The following VCAM1 variants were observed in gnomAD, a reference collection of about 807,000 sequenced individuals.
VCAM1 encodes the protein vascular cell adhesion molecule 1.
In VCAM1, 41 loss-of-function variants were observed where a neutral mutation model predicts 63.8. The ratio of observed to expected loss-of-function variants is 0.64; its 90% CI spans 0.50 to 0.83. The LOEUF is 0.83. Ranked by LOEUF, VCAM1 falls within the 40% of genes least tolerant of loss-of-function variation. The probability of loss-of-function intolerance (pLI) is 0.00; values close to 1 mark genes in which losing one functional copy is unlikely to be tolerated. For synonymous variants in VCAM1, 338 were observed against 320.7 expected (o/e 1.05, Z -0.58); for missense variants, 798 against 875.5 (o/e 0.91, Z 1.12).
rs1248457207 is a variant in VCAM1, at chr1:100,720,672, T to G, written c.261T>G (p.Phe87Leu). 1 of 1,613,168 alleles carries G rather than the reference T, an allele frequency of 6.2e-7. No individual in the cohort carries two copies. The highest frequency in any genetic ancestry group is 1.7e-5 in the Admixed American group (1 of 59,876). Residue 87 changes from phenylalanine (F) to leucine (L), a missense_variant, in exon 2 of 9, where the codon TTT becomes TTG. Physicochemically the swap from Phe to Leu is conservative, Grantham distance 22. Transcript: ENST00000294728. ...TSTLTMNPVSFGNEHSYLCTA... is the reference protein window; with the variant it reads ...TSTLTMNPVSLGNEHSYLCTA... ...CGCTGACAATGAATCCTGTTAGTTT[T>G]GGGAACGAACACTCTTACCTGTGCA...
chr1:100,738,317 TTATC>T lies in VCAM1; in HGVS notation c.*36_*39del, dbSNP rs764344911. The T allele has an allele frequency of 5.0e-6, 8 of 1,602,188 alleles. No homozygotes were observed. The East Asian group carries it at 1.8e-4, about 36-fold the overall frequency. On this transcript the variant is annotated 3_prime_UTR_variant, in exon 9 of 9. Transcript: ENST00000294728. ...TGATATGTTCAACTGGAGACACTAT[TTATC>T]TGTGCAAATCCTTGATACTGCTCAT...
Position 100,731,619 on chromosome 1 carries a change from GA to G in VCAM1, c.1525+107del. The G allele has an allele frequency of 8.9e-7, 1 of 1,121,030 alleles. No homozygotes were observed. The highest frequency in any genetic ancestry group is 2.1e-4 in the Middle Eastern group (1 of 4,808). 69.4% of individuals were successfully genotyped at this position (1,121,030 alleles called of 1,614,324 possible). On this transcript the variant is annotated intron_variant, in intron 6 of 8. Transcript: ENST00000294728. This position sits in a 1 kb window ranked among gnomAD's most constrained non-coding sequence, Gnocchi z 4.2. ...GGTTAATCGTTAAAACCTCTGTGGA[GA>G]AAAAACGTTACTGAAAAGAAATTTC...
chr1:100,738,115 T>C lies in VCAM1; in HGVS notation c.2060-8T>C, dbSNP rs1204531419. Reference sequence around the variant, plus strand: ...GACATTAATTGCATCCATTTTGTTATTTTCCAGGAAGAGAAAACAACAAAG... The same window carrying C: ...GACATTAATTGCATCCATTTTGTTACTTTCCAGGAAGAGAAAACAACAAAG... On this transcript the variant is annotated splice_region_variant and splice_polypyrimidine_tract_variant and intron_variant, in intron 8 of 8. Coordinates refer to ENST00000294728, the MANE Select transcript of VCAM1 (RefSeq NM_001078.4). The C allele has an allele frequency of 1.9e-6, 3 of 1,611,544 alleles. No homozygotes were observed. The highest frequency in any genetic ancestry group is 2.2e-5 in the South Asian group (2 of 90,682).
At position 100,732,491 on chromosome 1, in the gene VCAM1, A is replaced by G. The variant is rs1329425869; in HGVS notation, c.1599A>G (p.Thr533=). The G allele has an allele frequency of 1.2e-6, 2 of 1,612,956 alleles. No individual in the cohort carries two copies. Among genetic ancestry groups the G allele is most frequent in the Admixed American group, 1.7e-5 (1 of 59,806 alleles). The part of the protein sequence containing the change: ...ILEEGSSVNM[T]CLSQGFPAPK... ...AGGAAGGCAGTTCTGTGAATATGAC[A>G]TGCTTGAGCCAGGGCTTTCCTGCTC... Residue 533 remains threonine, a synonymous_variant, in exon 7 of 9, where the codon ACA becomes ACG. Coordinates refer to ENST00000294728, the MANE Select transcript of VCAM1 (RefSeq NM_001078.4).
At position 100,731,416 on chromosome 1, in the gene VCAM1, G is replaced by A; in HGVS notation, c.1423G>A (p.Glu475Lys). The change falls in exon 6 of 9, where the codon GAA (glutamate) becomes AAA (lysine). Residue 475 changes from glutamate to lysine, a missense_variant. Transcript: ENST00000294728. This position sits in a 1 kb window ranked among gnomAD's most constrained non-coding sequence, Gnocchi z 4.2. ...SLEMTFIPTI[E>K]DTGKALVCQA... ...GGAAATGACCTTCATCCCTACCATTGAAGATACTGGAAAAGCTCTTGTTTG... is the reference window on the plus strand; with the variant it reads ...GGAAATGACCTTCATCCCTACCATTAAAGATACTGGAAAAGCTCTTGTTTG... 1 of 1,613,796 alleles carries A rather than the reference G, an allele frequency of 6.2e-7. No individual in the cohort carries two copies. The highest frequency in any genetic ancestry group is 8.5e-7 in the Non-Finnish European group (1 of 1,179,848).
rs1398849371 is a variant in VCAM1 at position 100,729,307 on chromosome 1, A to G, written c.1129A>G (p.Asn377Asp). 6 of 1,613,414 alleles carry G rather than the reference A, an allele frequency of 3.7e-6. No individual in the cohort carries two copies. The highest frequency in any genetic ancestry group is 5.1e-6 in the Non-Finnish European group (6 of 1,179,664). The part of the protein sequence containing the change: ...TLTLSPVSFE[N>D]EHSYLCTVTC... Reference sequence around the variant, plus strand: ...GACCCTGAGCCCTGTGAGTTTTGAGAACGAACACTCTTATCTGTGCACAGT... The same window carrying G: ...GACCCTGAGCCCTGTGAGTTTTGAGGACGAACACTCTTATCTGTGCACAGT... The change falls in exon 5 of 9, where the codon AAC becomes GAC. Residue 377 changes from asparagine to aspartate, a missense_variant. By Grantham distance (23) the Asn-to-Asp change is conservative (BLOSUM62 1). Transcript: ENST00000294728.
chr1:100,729,804 A>C (rs1304782965), intron 5 of VCAM1, among the ~76,000 whole-genome samples: 2 of 152,080 alleles, frequency 1.3e-5, no homozygotes, highest in East Asian at 3.9e-4. Flanking sequence ...GATGGGAAAA[A>C]AATAAGGGAA....
chr1:100,723,346 T>C lies in VCAM1; in HGVS notation c.661+6T>C, dbSNP rs1267353762. The C allele has an allele frequency of 2.5e-6, 4 of 1,610,028 alleles. No homozygotes were observed. In the Admixed American group the frequency reaches 6.7e-5, roughly 27 times the overall value. On this transcript the variant is annotated splice_donor_region_variant and intron_variant, in intron 3 of 8. Coordinates refer to ENST00000294728, the MANE Select transcript of VCAM1 (RefSeq NM_001078.4). ...AAAAGAATTGCAAGTCTACAGTAAG[T>C]ACTTGTGCGATGTGTTCCAGTCTTT...
chr1:100,721,926 G>C (rs1023187663), intron 2 of VCAM1, among the ~76,000 whole-genome samples: 1 of 152,044 alleles, frequency 6.6e-6, no homozygotes, highest in Non-Finnish European at 1.5e-5. Context: ...ACATAGGAAA[G>C]AATTTCCAGC....
In VCAM1 at chr1:100,731,953, G is replaced by A. The variant is rs1660478003; in HGVS notation, c.1525+435G>A. Among the ~76,000 whole-genome samples the A allele has an allele frequency of 6.6e-6, 1 of 152,174 alleles. No individual in the cohort carries two copies. ...CCAGAGCTCAGTGTTTCAAGAAGGT[G>A]TAAATGAAAGCAGCCTCTTCAAGGC... On this transcript the variant is annotated intron_variant, in intron 6 of 8. Transcript: ENST00000294728. This position sits in a 1 kb window ranked among gnomAD's most constrained non-coding sequence, Gnocchi z 4.2.
chr1:100,733,518 CA>C (rs1321078529), intron 7 of VCAM1, among the ~76,000 whole-genome samples: 1 of 151,896 alleles, frequency 6.6e-6, no homozygotes, highest in African/African-American at 2.4e-5. Flanking sequence ...GACAAACAAA[CA>C]AAAAAACCTT....
At chr1:100,720,450 G>C (rs1215619481) in intron 1 of VCAM1, 26 bp from the exon 2 acceptor site, 1 of 1,597,190 alleles carries the variant, frequency 6.3e-7, no homozygotes, top group South Asian at 1.1e-5. Flanking sequence ...TGGTAAATTT[G>C]CTTCTGTCTT....
Position 100,731,923 on chromosome 1 carries a change from A to G in VCAM1, c.1525+405A>G. Reference sequence around the variant, plus strand: ...CCCTGAGGAACAGTAGCCTAGATTTACTCTCCAGAGCTCAGTGTTTCAAGA... The same window carrying G: ...CCCTGAGGAACAGTAGCCTAGATTTGCTCTCCAGAGCTCAGTGTTTCAAGA... On this transcript the variant is annotated intron_variant, in intron 6 of 8. Transcript: ENST00000294728. The surrounding 1 kb of genome is among the most constrained non-coding windows in gnomAD (Gnocchi z 4.2). Among the ~76,000 whole-genome samples the G allele has an allele frequency of 6.6e-6, 1 of 151,932 alleles. No homozygotes were observed. Among genetic ancestry groups the G allele is most frequent in the Non-Finnish European group, 1.5e-5 (1 of 67,986 alleles).
At chr1:100,730,773 C>G (rs1024530762) in intron 5 of VCAM1, among the ~76,000 whole-genome samples, 2 of 152,072 alleles carry the variant, frequency 1.3e-5, no homozygotes, top group Admixed American at 1.3e-4. Context: ...ACTCATTTTA[C>G]ACAGCTGCTT....
At chr1:100,726,428 T>C (rs1660164703) in intron 4 of VCAM1, among the ~76,000 whole-genome samples, 1 of 152,058 alleles carries the variant, frequency 6.6e-6, no homozygotes, top group Non-Finnish European at 1.5e-5. Context: ...ACAGAACTCT[T>C]TATGATCTGG....
chr1:100,726,619 C>T (rs867279216), intron 4 of VCAM1, among the ~76,000 whole-genome samples: 1 of 152,112 alleles, frequency 6.6e-6, no homozygotes, highest in Admixed American at 6.6e-5. Context: ...TTCTTTCTTT[C>T]GTGTACACTC....
intron 4 of VCAM1, among the ~76,000 whole-genome samples, chr1:100,728,327 A>G (rs577545054): frequency 7.9e-5 from 12 of 152,234 alleles, no homozygotes; most frequent in African/African-American, 2.9e-4. Context: ...TTTCAGGATG[A>G]TGCTATGTGA....
At chr1:100,737,301 T>A (rs1660693274) in intron 8 of VCAM1, 1 of 152,178 alleles carries the variant, frequency 6.6e-6, no homozygotes, top group South Asian at 2.1e-4. Context: ...TGTCTTGATG[T>A]AATTTTTAGC....
chr1:100,737,089 A>G (rs1184225899), intron 8 of VCAM1: 1 of 152,164 alleles, frequency 6.6e-6, no homozygotes, highest in Non-Finnish European at 1.5e-5. Flanking sequence ...ATTTTTTAGC[A>G]GATTAGAAAG....
Sources: allele counts gnomAD v4.1 joint callset (sites outside exome capture counted in the v4.1 genomes callset), GRCh38; gene constraint gnomAD v4.1.1; non-coding constraint Gnocchi (gnomAD v3.1); transcripts MANE v1.5; gene names NCBI Gene and HGNC (gene_info 2026-07-23, HGNC 2026-07-21).